The following LRRC3C variants were observed in gnomAD, a reference collection of about 807,000 sequenced individuals.
LRRC3C encodes the protein leucine rich repeat containing 3C.
Under a neutral mutation model 14.8 loss-of-function variants are expected in LRRC3C, and 11 were observed. The ratio of observed to expected loss-of-function variants is 0.74; its 90% CI spans 0.47 to 1.23. LRRC3C has a LOEUF of 1.23. Ranked by LOEUF, LRRC3C falls within the 50% of genes most tolerant of loss-of-function variation. The pLI, the probability that LRRC3C is intolerant of heterozygous loss-of-function variation, is 0.00. For missense variants in LRRC3C, 354 were observed against 361.8 expected, an observed-to-expected ratio of 0.98 and a Z score of 0.18; for synonymous variants, 149 against 161.5, an observed-to-expected ratio of 0.92 and a Z score of 0.59.
At chr17:39,937,462 A>G (rs147329691) in intron 2 of LRRC3C, among the ~76,000 whole-genome samples, 156 of 152,258 alleles carry the variant, frequency 1.0e-3, no homozygotes, top group African/African-American at 3.7e-3. Context: ...TAAAATAATA[A>G]AAACTAAATA....
At chr17:39,932,897 C>T (rs1413384883) in intron 1 of LRRC3C, among the ~76,000 whole-genome samples, 1 of 150,666 alleles carries the variant, frequency 6.6e-6, no homozygotes, top group East Asian at 2.0e-4. Context: ...ACTAAAAATG[C>T]AAAAATTAGC....
chr17:39,942,440 G>A (rs1978964368), intron 3 of LRRC3C, among the ~76,000 whole-genome samples: 1 of 152,152 alleles, frequency 6.6e-6, no homozygotes, highest in African/African-American at 2.4e-5. Context: ...CAGGCCTGAG[G>A]GAGAGTTCAA....
chr17:39,931,637 T>C (rs573363863), intron 1 of LRRC3C, among the ~76,000 whole-genome samples: 1 of 142,320 alleles, frequency 7.0e-6, no homozygotes, highest in South Asian at 2.2e-4. Context: ...CCTTATATTA[T>C]TTTCTATACT....
intron 1 of LRRC3C, among the ~76,000 whole-genome samples, chr17:39,930,028 G>A (rs149343505): frequency 3.7e-4 from 56 of 152,152 alleles, no homozygotes; most frequent in African/African-American, 1.2e-3. Flanking sequence ...GGTGACTCAC[G>A]CCTGTAATCC....
At position 39,929,941 on chromosome 17, in the gene LRRC3C, T is replaced by C. The variant is rs139695290; in HGVS notation, c.-175+2127T>C. Among the ~76,000 whole-genome samples the C allele has an allele frequency of 3.3e-3, 509 of 152,228 alleles. 3 individuals are homozygous for C. The Middle Eastern group carries it at 0.071, about 21-fold the overall frequency. ...GCATAACATACATTCCCCAGGGATA[T>C]AGTCAGCAAAGTCTAGAATGAAGAA... On this transcript the variant is annotated intron_variant, in intron 1 of 3. Transcript: ENST00000377924.
chr17:39,936,564 A>G (rs916462710), intron 2 of LRRC3C, among the ~76,000 whole-genome samples: 3 of 151,974 alleles, frequency 2.0e-5, no homozygotes, highest in African/African-American at 7.3e-5. Flanking sequence ...ACACTTTGGG[A>G]AGTCGAGGAG....
chr17:39,944,621 T>C lies in LRRC3C; in HGVS notation c.715T>C (p.Tyr239His). 1 of 1,535,790 alleles carries C rather than the reference T, an allele frequency of 6.5e-7. No homozygotes were observed. Among genetic ancestry groups the C allele is most frequent in the East Asian group, 2.4e-5 (1 of 40,882 alleles). ...MGGWLTLMVA[Y>H]LVHYVWQNRD... ...GGGCTGGCTGACACTCATGGTGGCT[T>C]ATCTGGTGCATTATGTGTGGCAGAA... The change falls in exon 4 of 4, where the codon TAT (tyrosine) becomes CAT (histidine). Residue 239 changes from tyrosine to histidine, a missense_variant. Coordinates refer to ENST00000377924, the MANE Select transcript of LRRC3C (RefSeq NM_001195545.2).
chr17:39,944,043 A>G lies in LRRC3C; in HGVS notation c.137A>G (p.Gln46Arg). 1 of 1,536,068 alleles carries G rather than the reference A, an allele frequency of 6.5e-7. No individual in the cohort carries two copies. Among genetic ancestry groups the G allele is most frequent in the Non-Finnish European group, 8.7e-7 (1 of 1,146,868 alleles). The part of the protein sequence containing the change: ...IGTGGTVPSP[Q>R]VPPRGCYVAK... ...ACAGGGGGTACTGTGCCCAGCCCCCAGGTGCCTCCCCGGGGCTGTTATGTG... is the reference window on the plus strand; with the variant it reads ...ACAGGGGGTACTGTGCCCAGCCCCCGGGTGCCTCCCCGGGGCTGTTATGTG... The change falls in exon 4 of 4, where the codon CAG becomes CGG. Residue 46 changes from glutamine (Q) to arginine (R), a missense_variant. Coordinates refer to ENST00000377924, the MANE Select transcript of LRRC3C (RefSeq NM_001195545.2).
At chr17:39,929,616 C>T (rs932876190) in intron 1 of LRRC3C, 1 of 152,200 alleles carries the variant, frequency 6.6e-6, no homozygotes, top group Non-Finnish European at 1.5e-5. Context: ...TGGACAAACA[C>T]TTGTCACTGT....
rs958833073 is a variant in LRRC3C at position 39,927,805 on chromosome 17, T to C, written c.-184T>C. 3.0e-6 allele frequency: 3 copies of C among 985,380 alleles called. No homozygotes were observed. Among genetic ancestry groups the C allele is most frequent in the Non-Finnish European group, 3.6e-6 (3 of 829,960 alleles). The allele number at this position is 985,380 out of a possible 1,614,324, so 61.0% of individuals were successfully genotyped here. The stretch of plus-strand genomic sequence containing the variant: ...GTGACGTGATGGTCAGATCGGATGA[T>C]AGAATTTTGGTGCGTAACAATTCCA... On this transcript the variant is annotated 5_prime_UTR_variant, in exon 1 of 4. Transcript: ENST00000377924.
intron 2 of LRRC3C, among the ~76,000 whole-genome samples, chr17:39,937,010 G>A (rs1978815735): frequency 6.6e-6 from 1 of 151,954 alleles, no homozygotes; most frequent in Admixed American, 6.6e-5. Context: ...GGTGGTGCAC[G>A]CCTGTAATCC....
At chr17:39,939,272 G>C in intron 2 of LRRC3C, 4 of 792,904 alleles carry the variant, frequency 5.0e-6, no homozygotes, top group Non-Finnish European at 6.1e-6. Context: ...GTGTTAATCT[G>C]GTAGTAGGAG....
At chr17:39,930,277 CAAAAAAAAAAAA>C (rs61165669) in intron 1 of LRRC3C, among the ~76,000 whole-genome samples, 2 of 57,564 alleles carry the variant, frequency 3.5e-5, no homozygotes, top group Non-Finnish European at 5.9e-5. Context: ...GATCCTGTCT[CAAAAAAAAAAAA>C]AAAAAAAAAG....
At chr17:39,932,537 C>CA (rs1978679227) in intron 1 of LRRC3C, among the ~76,000 whole-genome samples, 1 of 137,538 alleles carries the variant, frequency 7.3e-6, no homozygotes, top group Admixed American at 7.3e-5. Flanking sequence ...ACCCCCCCCC[C>CA]ACCCAACCAC....
At position 39,928,178 on chromosome 17, in the gene LRRC3C, G is replaced by A. The variant is rs192511499; in HGVS notation, c.-175+364G>A. On this transcript the variant is annotated intron_variant, in intron 1 of 3. Coordinates refer to ENST00000377924, the MANE Select transcript of LRRC3C (RefSeq NM_001195545.2). Reference sequence around the variant, plus strand: ...CTTGGCCCAGGCTGCCCCGGACCGGGCCACATCCTTGGCCGCCCCGCACCT... The same window carrying A: ...CTTGGCCCAGGCTGCCCCGGACCGGACCACATCCTTGGCCGCCCCGCACCT... 1.3e-3 allele frequency among the ~76,000 whole-genome samples: 196 copies of A among 152,150 alleles called. 2 individuals are homozygous for A. The highest frequency in any genetic ancestry group is 4.4e-3 in the African/African-American group (184 of 41,496).
chr17:39,928,866 G>A (rs1457024359), intron 1 of LRRC3C, among the ~76,000 whole-genome samples: 1 of 152,232 alleles, frequency 6.6e-6, no homozygotes, highest in Admixed American at 6.5e-5. Context: ...GGGACCCCCA[G>A]AGGCACTTAG....
intron 1 of LRRC3C, among the ~76,000 whole-genome samples, chr17:39,928,794 G>T (rs1275724956): frequency 6.6e-6 from 1 of 152,176 alleles, no homozygotes; most frequent in Non-Finnish European, 1.5e-5. Context: ...ACTTTACTCG[G>T]ACTACACCTA....
intron 1 of LRRC3C, among the ~76,000 whole-genome samples, chr17:39,931,002 C>T (rs1338275136): frequency 2.0e-5 from 3 of 149,048 alleles, no homozygotes; most frequent in African/African-American, 5.0e-5. Context: ...ATTAGCCAGG[C>T]GTGGTGACAG....
Position 39,927,764 on chromosome 17 carries a change from G to A in LRRC3C, c.-225G>A, listed in dbSNP as rs1191562928. The A allele has an allele frequency of 3.6e-5, 35 of 985,388 alleles. No homozygotes were observed. Among genetic ancestry groups the A allele is most frequent in the Non-Finnish European group, 4.2e-5 (35 of 829,978 alleles). The allele number at this position is 985,388 out of a possible 1,614,324, so 61.0% of individuals were successfully genotyped here. A position where few individuals can be genotyped will look rare whatever the true frequency, so the allele number is the denominator to read the frequency against. ...GTTCCCGGCCTCTTCGGGGACGCAC[G>A]GTTGGAAGTTGTACCGTGACGTGAT... On this transcript the variant is annotated 5_prime_UTR_variant, in exon 1 of 4. Coordinates refer to ENST00000377924, the MANE Select transcript of LRRC3C (RefSeq NM_001195545.2).
Sources: allele counts gnomAD v4.1 joint callset (sites outside exome capture counted in the v4.1 genomes callset), GRCh38; gene constraint gnomAD v4.1.1; transcripts MANE v1.5; gene names NCBI Gene and HGNC (gene_info 2026-07-23, HGNC 2026-07-21).